ATP1A1: variants seen among roughly 807,000 people sequenced by gnomAD.
The protein encoded by ATP1A1 is ATPase Na+/K+ transporting subunit alpha 1.
ATP1A1 carries 14 observed loss-of-function variants against 114.8 expected under a neutral mutation model. The ratio of observed to expected loss-of-function variants is 0.12; its 90% CI spans 0.08 to 0.19. ATP1A1 has a LOEUF of 0.19. ATP1A1 is among the 10% of genes least tolerant of loss of function. ATP1A1 has a pLI of 1.00. For synonymous variants in ATP1A1, 471 were observed against 466.3 expected (o/e 1.01, Z -0.13); for missense variants, 524 against 1,290.7 (o/e 0.41, Z 9.10).
intron 21 of ATP1A1, among the ~76,000 whole-genome samples, chr1:116,402,252 C>A (rs546594527): frequency 6.6e-6 from 1 of 152,298 alleles, no homozygotes; most frequent in East Asian, 1.9e-4. Flanking sequence ...GGGTTTATCA[C>A]AAACTCCGTT....
chr1:116,383,897 A>C (rs971326220), intron 1 of ATP1A1, 117 bp from the exon 2 acceptor site: 1 of 810,402 alleles, frequency 1.2e-6, no homozygotes, highest in Admixed American at 2.3e-5. Context: ...CTATTATCTT[A>C]ATGACTATTC....
At chr1:116,376,219 T>G (rs1651355582) in intron 1 of ATP1A1, among the ~76,000 whole-genome samples, 1 of 151,980 alleles carries the variant, frequency 6.6e-6, no homozygotes, top group South Asian at 2.1e-4. Context: ...ACCGAAAAAA[T>G]AAATCATAGC....
intron 3 of ATP1A1, among the ~76,000 whole-genome samples, chr1:116,386,516 CAGATAAAT>C (rs1459583460): frequency 6.6e-6 from 1 of 152,066 alleles, no homozygotes; most frequent in Non-Finnish European, 1.5e-5. Context: ...GCACAAAACA[CAGATAAAT>C]AGATACTTTA....
In ATP1A1 at chr1:116,384,018, G is replaced by A; in HGVS notation, c.17G>A (p.Gly6Glu). The A allele has an allele frequency of 6.2e-7, 1 of 1,613,834 alleles. No individual in the cohort carries two copies. The highest frequency in any genetic ancestry group is 8.5e-7 in the Non-Finnish European group (1 of 1,179,830). The change falls in exon 2 of 23, where the codon GGA (glycine) becomes GAA (glutamate). Residue 6 changes from glycine (G) to glutamate (E), a missense_variant. Around this residue, in one of 8 missense-constraint regions of ATP1A1, gnomAD observed 33 missense variants for 31.2 expected, o/e 1.06. Transcript: ENST00000295598. The surrounding 1 kb of genome is among the most constrained non-coding windows in gnomAD (Gnocchi z 5.1). ...TTTTCCCACATTCTCCTACAGGTTG[G>A]ACGTGATAAGTATGAGCCTGCAGCT... MGKGV[G>E]RDKYEPAAVS...
Position 116,389,345 on chromosome 1 carries a change from G to T in ATP1A1, c.755-94G>T. ...AAAAGTGCTTTTATCAACTCTTTTT[G>T]TTTTTTTAGTCATCCTATGTAATTG... On this transcript the variant is annotated intron_variant, in intron 7 of 22. Coordinates refer to ENST00000295598, the MANE Select transcript of ATP1A1 (RefSeq NM_000701.8). This position sits in a 1 kb window ranked among gnomAD's most constrained non-coding sequence, Gnocchi z 6.9. 1.5e-5 allele frequency: 22 copies of T among 1,504,922 alleles called. No homozygotes were observed. In the Admixed American group the frequency reaches 1.6e-4, roughly 11 times the overall value. 93.2% of individuals were successfully genotyped at this position (1,504,922 alleles called of 1,614,324 possible).
At chr1:116,376,132 T>C (rs543810184) in intron 1 of ATP1A1, among the ~76,000 whole-genome samples, 41 of 152,198 alleles carry the variant, frequency 2.7e-4, no homozygotes, top group Admixed American at 5.2e-4. Context: ...GTTTGTCTTC[T>C]CAAGTGTGTA....
chr1:116,393,428 G>A lies in ATP1A1; in HGVS notation c.1468-103G>A. 4.6e-6 allele frequency: 6 copies of A among 1,292,584 alleles called. No homozygotes were observed. The highest frequency in any genetic ancestry group is 4.3e-6 in the Non-Finnish European group (4 of 940,090). 80.1% of individuals were successfully genotyped at this position (1,292,584 alleles called of 1,614,324 possible). A position where few individuals can be genotyped will look rare whatever the true frequency, so the allele number is the denominator to read the frequency against. ...AGAGTTCAGAAAGAAGGGATCTTGG[G>A]TCTTTTATAGCAAATACTAAATAGT... On this transcript the variant is annotated intron_variant, in intron 11 of 22. Transcript: ENST00000295598. The surrounding 1 kb of genome is among the most constrained non-coding windows in gnomAD (Gnocchi z 5.0).
rs762135912 is a variant in ATP1A1 at position 116,374,197 on chromosome 1, G to A, written c.12+674G>A. ...AGTGCGAAGCCGGCTGGGCGGGCTG[G>A]TGCCAGAAAGGGTGTGTCTTCACTG... On this transcript the variant is annotated intron_variant, in intron 1 of 22. Coordinates refer to ENST00000295598, the MANE Select transcript of ATP1A1 (RefSeq NM_000701.8). 10 of 1,550,846 alleles carry A rather than the reference G, an allele frequency of 6.4e-6. No individual in the cohort carries two copies. In the South Asian group the frequency reaches 9.5e-5, roughly 15 times the overall value.
In ATP1A1 at chr1:116,397,573, C is replaced by T. The variant is rs1318237166; in HGVS notation, c.1974-315C>T. Among the ~76,000 whole-genome samples the T allele has an allele frequency of 6.6e-6, 1 of 152,176 alleles. No individual in the cohort carries two copies. Among genetic ancestry groups the T allele is most frequent in the African/African-American group, 2.4e-5 (1 of 41,438 alleles). ...CCACTCACCTCAGCCTCCCAAAGTG[C>T]TGGGATTACAGGCATGAGCCACACA... On this transcript the variant is annotated intron_variant, in intron 14 of 22. Coordinates refer to ENST00000295598, the MANE Select transcript of ATP1A1 (RefSeq NM_000701.8). This position sits in a 1 kb window ranked among gnomAD's most constrained non-coding sequence, Gnocchi z 4.2.
At chr1:116,374,776 C>G (rs1216220766) in intron 1 of ATP1A1, among the ~76,000 whole-genome samples, 2 of 152,182 alleles carry the variant, frequency 1.3e-5, no homozygotes, top group African/African-American at 4.8e-5. Context: ...AGTGCAGACA[C>G]TGAGTAGGTC....
At chr1:116,373,852 G>A (rs1211837220) in intron 1 of ATP1A1, 1 of 1,261,394 alleles carries the variant, frequency 7.9e-7, no homozygotes, top group Non-Finnish European at 1.0e-6. Context: ...TCGGGGCCGG[G>A]AGGAGGGGGC....
chr1:116,390,534 TTG>T, intron 9 of ATP1A1, 123 bp downstream of exon 9: 54 of 1,050,606 alleles, frequency 5.1e-5, no homozygotes, highest in Middle Eastern at 2.7e-4. Context: ...TCTTTCTTTT[TTG>T]TTTTTTTTTT....
intron 1 of ATP1A1, 150 bp downstream of exon 1, chr1:116,373,673 A>T: frequency 1.1e-6 from 1 of 929,522 alleles, no homozygotes; most frequent in Non-Finnish European, 1.4e-6. Flanking sequence ...GGCTTAAAAG[A>T]CGACGCAGTT....
chr1:116,388,374 C>A lies in ATP1A1; in HGVS notation c.501+130C>A, dbSNP rs1450118135. ...TCAGAGAGATGGATGTCTTCTACCC[C>A]ACCCAAAACCAACCTATTTTCCTTC... On this transcript the variant is annotated intron_variant, in intron 5 of 22. Transcript: ENST00000295598. The surrounding 1 kb of genome is among the most constrained non-coding windows in gnomAD (Gnocchi z 5.6). 5.2e-6 allele frequency: 5 copies of A among 969,562 alleles called. No individual in the cohort carries two copies. Among genetic ancestry groups the A allele is most frequent in the Non-Finnish European group, 7.7e-6 (5 of 652,688 alleles). 60.1% of individuals were successfully genotyped at this position (969,562 alleles called of 1,614,324 possible).
rs1006272193 is a variant in ATP1A1, at chr1:116,397,752, C to T, written c.1974-136C>T. ...CTGTAAAGTACTGAACACTTAATAG[C>T]TTTTATGTGCTGGGGAAAATTCCTT... On this transcript the variant is annotated intron_variant, in intron 14 of 22. Transcript: ENST00000295598. The surrounding 1 kb of genome is among the most constrained non-coding windows in gnomAD (Gnocchi z 4.2). 2.7e-6 allele frequency: 3 copies of T among 1,115,320 alleles called. No individual in the cohort carries two copies. The African/African-American group carries it at 4.7e-5, about 18-fold the overall frequency. The allele number at this position is 1,115,320 out of a possible 1,614,324, so 69.1% of individuals were successfully genotyped here. A position where few individuals can be genotyped will look rare whatever the true frequency, so the allele number is the denominator to read the frequency against.
rs72998038 is a variant in ATP1A1, at chr1:116,387,668, C to G, written c.387+177C>G. ...TCCATTCTTCCTTCGTTTCCATTTC[C>G]TCTCTCTACCACCCACGTTGTAGAT... On this transcript the variant is annotated intron_variant, in intron 4 of 22. Transcript: ENST00000295598. The surrounding 1 kb of genome is among the most constrained non-coding windows in gnomAD (Gnocchi z 6.7). Among the ~76,000 whole-genome samples, 3,161 of 152,286 alleles carry G rather than the reference C, an allele frequency of 0.021. 118 individuals are homozygous for G. The highest frequency in any genetic ancestry group is 0.072 in the African/African-American group (2,986 of 41,538).
chr1:116,403,409 A>G (rs1488917580), intron 21 of ATP1A1, among the ~76,000 whole-genome samples: 1 of 152,190 alleles, frequency 6.6e-6, no homozygotes, highest in Non-Finnish European at 1.5e-5. Context: ...TGATATCCCA[A>G]ATGCTGTTGT....
chr1:116,380,635 G>A (rs905941030), intron 1 of ATP1A1, among the ~76,000 whole-genome samples: 21 of 152,148 alleles, frequency 1.4e-4, no homozygotes, highest in African/African-American at 4.8e-4. Flanking sequence ...AGCAAGTCTC[G>A]GGGATGTCTC....
chr1:116,379,101 G>A (rs950440586), intron 1 of ATP1A1, among the ~76,000 whole-genome samples: 1 of 152,158 alleles, frequency 6.6e-6, no homozygotes, highest in Non-Finnish European at 1.5e-5. Context: ...TGCAGGTAGG[G>A]TAGGCTGTCA....
Sources: allele counts gnomAD v4.1 joint callset (sites outside exome capture counted in the v4.1 genomes callset), GRCh38; gene constraint gnomAD v4.1.1; regional missense constraint gnomAD v4.1.1; non-coding constraint Gnocchi (gnomAD v3.1); transcripts MANE v1.5; gene names NCBI Gene and HGNC (gene_info 2026-07-23, HGNC 2026-07-21).